GALNT18: variants seen among roughly 807,000 people sequenced by gnomAD.
The protein encoded by GALNT18 is polypeptide N-acetylgalactosaminyltransferase 18, also known as GalNAc-transferase 18.
In GALNT18, 44 loss-of-function variants were observed where a neutral mutation model predicts 69.5. The ratio of observed to expected loss-of-function variants is 0.63; its 90% CI spans 0.50 to 0.81. The LOEUF is 0.81. Among genes scored for constraint, GALNT18 ranks in the 40% least tolerant of loss-of-function variants. The probability of loss-of-function intolerance (pLI) is 0.00; values close to 1 mark genes in which losing one functional copy is unlikely to be tolerated. For synonymous variants in GALNT18, 364 were observed against 318.2 expected (o/e 1.14, Z -1.53); for missense variants, 715 against 810.0 (o/e 0.88, Z 1.42).
chr11:11,295,229 T>A (rs557000095), intron 9 of GALNT18, among the ~76,000 whole-genome samples: 7 of 152,246 alleles, frequency 4.6e-5, no homozygotes, highest in African/African-American at 1.7e-4. Context: ...GTGTTCCCTT[T>A]CGCCAGTGTA....
At chr11:11,291,045 C>T (rs1268070253) in intron 10 of GALNT18, among the ~76,000 whole-genome samples, 1 of 152,182 alleles carries the variant, frequency 6.6e-6, no homozygotes, top group African/African-American at 2.4e-5. Flanking sequence ...ACCACACACC[C>T]CAGGCCTCCC....
chr11:11,546,551 G>A lies in GALNT18; in HGVS notation c.235+74808C>T, dbSNP rs926175021. ...ACTGCAATGCTGTAAAAGGTATCAC[G>A]GCTCCCATTGCTCACTGGATAAACA... On this transcript the variant is annotated intron_variant, in intron 1 of 10. Transcript: ENST00000227756. The surrounding 1 kb of genome is among the most constrained non-coding windows in gnomAD (Gnocchi z 5.8). 4.6e-5 allele frequency among the ~76,000 whole-genome samples: 7 copies of A among 152,134 alleles called. No individual in the cohort carries two copies. Among genetic ancestry groups the A allele is most frequent in the African/African-American group, 7.2e-5 (3 of 41,420 alleles).
At chr11:11,403,798 G>A (rs149836402) in intron 3 of GALNT18, among the ~76,000 whole-genome samples, 1 of 152,208 alleles carries the variant, frequency 6.6e-6, no homozygotes, top group Admixed American at 6.5e-5. Flanking sequence ...GCCAGGTACA[G>A]GAGAGAGTGC....
intron 9 of GALNT18, among the ~76,000 whole-genome samples, chr11:11,304,208 C>A (rs1002339275): frequency 6.6e-6 from 1 of 152,202 alleles, no homozygotes; most frequent in Non-Finnish European, 1.5e-5. Context: ...CTAGTTCCTG[C>A]CTTTCCCGGT....
At position 11,444,577 on chromosome 11, in the gene GALNT18, C is replaced by T. The variant is rs1029763546; in HGVS notation, c.428+4167G>A. On this transcript the variant is annotated intron_variant, in intron 2 of 10. Coordinates refer to ENST00000227756, the MANE Select transcript of GALNT18 (RefSeq NM_198516.3). This position sits in a 1 kb window ranked among gnomAD's most constrained non-coding sequence, Gnocchi z 4.4. ...TCCTTCTAGTTGTGTCCTGTCTTGT[C>T]TATAAGGCACTGGCACAGCATGGTC... is the stretch of plus-strand genomic sequence containing the variant. 6.6e-6 allele frequency among the ~76,000 whole-genome samples: 1 copy of T among 152,160 alleles called. No individual in the cohort carries two copies. Among genetic ancestry groups the T allele is most frequent in the Admixed American group, 6.5e-5 (1 of 15,278 alleles).
intron 1 of GALNT18, among the ~76,000 whole-genome samples, chr11:11,521,651 TAC>T: frequency 6.6e-6 from 1 of 152,272 alleles, no homozygotes; most frequent in East Asian, 1.9e-4. Flanking sequence ...CAGAGAAGAT[TAC>T]AGTGGCGGGA....
chr11:11,352,402 C>T (rs1337612442), intron 6 of GALNT18: 3 of 1,614,100 alleles, frequency 1.9e-6, no homozygotes, highest in Non-Finnish European at 1.7e-6. Flanking sequence ...ACCAACTGAT[C>T]ATAATTGTCA....
At chr11:11,366,844 C>G (rs1475908224) in intron 6 of GALNT18, among the ~76,000 whole-genome samples, 1 of 152,038 alleles carries the variant, frequency 6.6e-6, no homozygotes, top group African/African-American at 2.4e-5. Context: ...TTTGCCAGGG[C>G]ATGTATAGGT....
intron 10 of GALNT18, among the ~76,000 whole-genome samples, chr11:11,291,931 T>C (rs1426800496): frequency 6.6e-6 from 1 of 152,178 alleles, no homozygotes; most frequent in African/African-American, 2.4e-5. Flanking sequence ...GCTGGGACTC[T>C]CCTTACCATC....
At chr11:11,357,348 C>T (rs1850552699) in intron 6 of GALNT18, among the ~76,000 whole-genome samples, 2 of 152,120 alleles carry the variant, frequency 1.3e-5, no homozygotes, top group Admixed American at 1.3e-4. Flanking sequence ...GCACTAGATT[C>T]CCAGTCTTCA....
At chr11:11,574,533 A>G (rs1257236716) in intron 1 of GALNT18, among the ~76,000 whole-genome samples, 1 of 152,226 alleles carries the variant, frequency 6.6e-6, no homozygotes, top group Non-Finnish European at 1.5e-5. Flanking sequence ...CCTGGCTTCT[A>G]GCTTGGGCTT....
chr11:11,551,099 A>G (rs1456577136), intron 1 of GALNT18, among the ~76,000 whole-genome samples: 2 of 152,000 alleles, frequency 1.3e-5, no homozygotes, highest in East Asian at 1.9e-4. Context: ...AAAAAAAAAA[A>G]AAAGCCCAGA....
rs1327379622 is a variant in GALNT18 at position 11,591,106 on chromosome 11, T to A, written c.235+30253A>T. Among the ~76,000 whole-genome samples the A allele has an allele frequency of 1.3e-5, 2 of 151,778 alleles. No homozygotes were observed. The highest frequency in any genetic ancestry group is 2.4e-5 in the African/African-American group (1 of 41,292). On this transcript the variant is annotated intron_variant, in intron 1 of 10. Transcript: ENST00000227756. The surrounding 1 kb of genome is among the most constrained non-coding windows in gnomAD (Gnocchi z 4.8). ...TGTTATTGCCCAATGGGACAAGATG[T>A]GGAGGTGGAAGACAGTGACATTGAT...
rs1858600496 is a variant in GALNT18, at chr11:11,564,684, C to A, written c.235+56675G>T. On this transcript the variant is annotated intron_variant, in intron 1 of 10. Coordinates refer to ENST00000227756, the MANE Select transcript of GALNT18 (RefSeq NM_198516.3). The surrounding 1 kb of genome is among the most constrained non-coding windows in gnomAD (Gnocchi z 4.3). ...AACTTATCTATGAAAACCCTGCTAACCCAAGAAGTATCCAGCCAGTCAACC... is the reference window on the plus strand; with the variant it reads ...AACTTATCTATGAAAACCCTGCTAAACCAAGAAGTATCCAGCCAGTCAACC... 6.6e-6 allele frequency among the ~76,000 whole-genome samples: 1 copy of A among 152,184 alleles called. No individual in the cohort carries two copies. Among genetic ancestry groups the A allele is most frequent in the South Asian group, 2.1e-4 (1 of 4,828 alleles).
intron 1 of GALNT18, among the ~76,000 whole-genome samples, chr11:11,553,939 C>T (rs541305473): frequency 6.6e-6 from 1 of 152,330 alleles, no homozygotes; most frequent in South Asian, 2.1e-4. Flanking sequence ...ACACGAGCGG[C>T]TCGGGCTCTG....
rs898376031 is a variant in GALNT18 at position 11,441,642 on chromosome 11, G to C, written c.428+7102C>G. On this transcript the variant is annotated intron_variant, in intron 2 of 10. Transcript: ENST00000227756. ...AGCCACATGAGGATAAAATTAAATA[G>C]GAAAGTGTATGTTAAGCATTTGTAC... Among the ~76,000 whole-genome samples the C allele has an allele frequency of 2.6e-5, 4 of 152,186 alleles. No homozygotes were observed. In the East Asian group the frequency reaches 7.7e-4, roughly 29 times the overall value.
At chr11:11,371,278 T>C (rs965496256) in intron 6 of GALNT18, among the ~76,000 whole-genome samples, 2 of 152,174 alleles carry the variant, frequency 1.3e-5, no homozygotes, top group African/African-American at 4.8e-5. Context: ...CCCCTTTAGG[T>C]CAGGGGCAAG....
intron 10 of GALNT18, among the ~76,000 whole-genome samples, chr11:11,273,489 TAATG>T (rs1392295127): frequency 6.6e-6 from 1 of 152,142 alleles, no homozygotes; most frequent in Non-Finnish European, 1.5e-5. Context: ...GCAAAAACTA[TAATG>T]AATCATCTCA....
At chr11:11,490,436 C>T (rs891994641) in intron 1 of GALNT18, among the ~76,000 whole-genome samples, 4 of 152,050 alleles carry the variant, frequency 2.6e-5, no homozygotes, top group Non-Finnish European at 4.4e-5. Flanking sequence ...TAAGAAAATG[C>T]CTTACCTCCT....
Sources: gnomAD v4.1 joint callset for allele counts (sites outside exome capture counted in the v4.1 genomes callset) on GRCh38, gnomAD v4.1.1 for gene constraint, Gnocchi (gnomAD v3.1) non-coding constraint, MANE v1.5 for transcripts, NCBI Gene and HGNC (gene_info 2026-07-23, HGNC 2026-07-21) for gene names.